C6orf52: variants seen among roughly 807,000 people sequenced by gnomAD.
C6orf52 encodes chromosome 6 open reading frame 52.
C6orf52 carries 16 observed loss-of-function variants against 16.6 expected under a neutral mutation model. The ratio of observed to expected loss-of-function variants is 0.96; its 90% CI spans 0.65 to 1.46. The LOEUF (loss-of-function observed/expected upper bound fraction) is 1.46, where lower values mean the gene tolerates loss of function less well. Ranked by LOEUF, C6orf52 falls within the 40% of genes most tolerant of loss-of-function variation. The pLI is 0.00. For synonymous variants in C6orf52, 53 were observed against 61.4 expected (o/e 0.86, Z 0.64); for missense variants, 166 against 182.3 (o/e 0.91, Z 0.52).
intron 4 of C6orf52, among the ~76,000 whole-genome samples, chr6:10,676,386 C>CA (rs753247061): frequency 6.6e-6 from 1 of 152,132 alleles, no homozygotes; most frequent in African/African-American, 2.4e-5. Flanking sequence ...CAGCTGCCCC[C>CA]AAATCATTTT....
intron 4 of C6orf52, among the ~76,000 whole-genome samples, chr6:10,681,797 A>G (rs561353789): frequency 6.6e-6 from 1 of 152,252 alleles, no homozygotes; most frequent in African/African-American, 2.4e-5. Context: ...TGATAGAGGC[A>G]TGGGACAGCC....
chr6:10,677,846 A>G (rs146709156), intron 4 of C6orf52, among the ~76,000 whole-genome samples: 2,513 of 151,352 alleles, frequency 0.017, 27 homozygotes, highest in Middle Eastern at 0.055. Context: ...ATTTTTTTCT[A>G]TTTCTATGTA....
intron 1 of C6orf52, among the ~76,000 whole-genome samples, chr6:10,693,082 G>A (rs1769489584): frequency 6.6e-6 from 1 of 152,166 alleles, no homozygotes; most frequent in Non-Finnish European, 1.5e-5. Context: ...ACTCTGTTAA[G>A]CCCTATTGTA....
chr6:10,682,792 A>G (rs1158997409), intron 4 of C6orf52, among the ~76,000 whole-genome samples: 1 of 152,190 alleles, frequency 6.6e-6, no homozygotes, highest in East Asian at 1.9e-4. Flanking sequence ...CTGACACTAC[A>G]GTGCTGCTCT....
intron 4 of C6orf52, among the ~76,000 whole-genome samples, chr6:10,679,675 C>G (rs1475754821): frequency 2.6e-5 from 4 of 151,916 alleles, no homozygotes; most frequent in East Asian, 3.9e-4. Context: ...ATCTTCAAAA[C>G]TTCTTCCTTT....
At chr6:10,672,427 G>T (rs1044837288) in intron 4 of C6orf52, 6 of 521,858 alleles carry the variant, frequency 1.1e-5, no homozygotes, top group African/African-American at 9.8e-5. Flanking sequence ...CCCACAATGT[G>T]AAGGCATTTG....
At position 10,684,756 on chromosome 6, in the gene C6orf52, G is replaced by A. The variant is rs906163246; in HGVS notation, c.271-1524C>T. On this transcript the variant is annotated intron_variant, in intron 3 of 4. Coordinates refer to ENST00000259983, the MANE Select transcript of C6orf52 (RefSeq NM_001145020.3). ...AGGCACAGCACATTGGGGGAAGCAG[G>A]GAATGACTAGGACATCTTGGCAAGG... The A allele has an allele frequency of 7.2e-6, 5 of 697,990 alleles. No individual in the cohort carries two copies. The Admixed American group carries it at 1.2e-4, about 17-fold the overall frequency. 43.2% of individuals were successfully genotyped at this position (697,990 alleles called of 1,614,324 possible).
At position 10,686,951 on chromosome 6, in the gene C6orf52, T is replaced by C. The variant is rs149519015; in HGVS notation, c.270+15A>G. 3.6e-4 allele frequency: 548 copies of C among 1,518,542 alleles called. No homozygotes were observed. In the African/African-American group the frequency reaches 7.2e-3, roughly 20 times the overall value. 94.1% of individuals were successfully genotyped at this position (1,518,542 alleles called of 1,614,324 possible). Reference sequence around the variant, plus strand: ...GGCACACGAATGACACAAGATTCATTCTAGCAAGGGATACCTTAGGCATAA... The same window carrying C: ...GGCACACGAATGACACAAGATTCATCCTAGCAAGGGATACCTTAGGCATAA... On this transcript the variant is annotated intron_variant, in intron 3 of 4. Coordinates refer to ENST00000259983, the MANE Select transcript of C6orf52 (RefSeq NM_001145020.3).
intron 4 of C6orf52, among the ~76,000 whole-genome samples, chr6:10,676,026 G>A (rs1767845150): frequency 6.6e-6 from 1 of 152,118 alleles, no homozygotes; most frequent in African/African-American, 2.4e-5. Context: ...CAGCTACTCA[G>A]GAGTCTGAGA....
rs546647269 is a variant in C6orf52, at chr6:10,691,394, C to T, written c.-12+3100G>A. On this transcript the variant is annotated intron_variant, in intron 1 of 4. Transcript: ENST00000259983. ...TGTGAGAGGGTCGTGATTGACTGAG[C>T]AAGCGGGGGTACATGACTGGGGGGC... 4.9e-4 allele frequency among the ~76,000 whole-genome samples: 75 copies of T among 152,064 alleles called. 1 individual carries two copies. The highest frequency in any genetic ancestry group is 1.7e-3 in the African/African-American group (72 of 41,386).
chr6:10,680,254 A>G, intron 4 of C6orf52, among the ~76,000 whole-genome samples: 1 of 149,848 alleles, frequency 6.7e-6, no homozygotes, highest in Non-Finnish European at 1.5e-5. Flanking sequence ...TATCTCCAGG[A>G]AAAAAAAAAG....
upstream of C6orf52, chr6:10,694,828 C>T: frequency 1.7e-6 from 1 of 582,116 alleles, no homozygotes; most frequent in African/African-American, 2.0e-5. Context: ...AAAGTGTTTC[C>T]ACGTTACAGG....
chr6:10,694,604 C>T lies in C6orf52; in HGVS notation c.-122G>A. On this transcript the variant is annotated 5_prime_UTR_variant, in exon 1 of 5. Transcript: ENST00000259983. Reference sequence around the variant, plus strand: ...TGCCGGCGCTACAGCCCCTAAGCAACCGGCCGGAAGTCGGCCCCACCTCCT... The same window carrying T: ...TGCCGGCGCTACAGCCCCTAAGCAATCGGCCGGAAGTCGGCCCCACCTCCT... 6.1e-5 allele frequency: 12 copies of T among 196,386 alleles called. No homozygotes were observed. Among genetic ancestry groups the T allele is most frequent in the South Asian group, 2.2e-4 (3 of 13,648 alleles). 12.2% of individuals were successfully genotyped at this position (196,386 alleles called of 1,614,324 possible).
intron 4 of C6orf52, among the ~76,000 whole-genome samples, chr6:10,678,183 TAAAA>T (rs377733205): frequency 5.9e-5 from 6 of 101,608 alleles, no homozygotes; most frequent in Admixed American, 1.1e-4. Flanking sequence ...GAGACTGTCT[TAAAA>T]AAAAAAAAAA....
intron 4 of C6orf52, among the ~76,000 whole-genome samples, chr6:10,675,325 T>C (rs1767784962): frequency 6.6e-6 from 1 of 152,206 alleles, no homozygotes; most frequent in African/African-American, 2.4e-5. Flanking sequence ...GACATAATGT[T>C]CTCCATGTTC....
At chr6:10,693,766 T>C (rs1204519824) in intron 1 of C6orf52, among the ~76,000 whole-genome samples, 1 of 152,106 alleles carries the variant, frequency 6.6e-6, no homozygotes, top group Non-Finnish European at 1.5e-5. Context: ...GCCTGGCTCG[T>C]CCCCCAGACT....
chr6:10,686,298 A>G (rs1426987958), intron 3 of C6orf52, among the ~76,000 whole-genome samples: 1 of 152,196 alleles, frequency 6.6e-6, no homozygotes, highest in Non-Finnish European at 1.5e-5. Context: ...ATCATCCCCT[A>G]ACCACCAAAA....
intron 4 of C6orf52, among the ~76,000 whole-genome samples, chr6:10,680,560 T>C (rs962800610): frequency 2.0e-5 from 3 of 152,072 alleles, no homozygotes; most frequent in African/African-American, 7.2e-5. Flanking sequence ...TCGTCTTCGA[T>C]TTTTTGGAGT....
chr6:10,693,462 C>T (rs1199778545), intron 1 of C6orf52, among the ~76,000 whole-genome samples: 1 of 152,224 alleles, frequency 6.6e-6, no homozygotes, highest in African/African-American at 2.4e-5. Flanking sequence ...TTCTGCAAGA[C>T]CCAAACTAGC....
Sources: gnomAD v4.1 joint callset for allele counts (sites outside exome capture counted in the v4.1 genomes callset) on GRCh38, gnomAD v4.1.1 for gene constraint, MANE v1.5 for transcripts, NCBI Gene and HGNC (gene_info 2026-07-23, HGNC 2026-07-21) for gene names.